Variants in CDK12 observed in about 807,000 individuals in gnomAD.
The protein encoded by CDK12 is cyclin dependent kinase 12, also known as cyclin-dependent kinase 12.
CDK12 carries 17 observed loss-of-function variants against 133.8 expected under a neutral mutation model. The ratio of observed to expected loss-of-function variants is 0.13; its 90% CI spans 0.09 to 0.19. The LOEUF (loss-of-function observed/expected upper bound fraction) is 0.19. Among genes scored for constraint, CDK12 ranks in the 10% least tolerant of loss-of-function variants. The pLI is 1.00. For missense variants in CDK12, 1,508 were observed against 1,818.7 expected (o/e 0.83, Z 3.11); for synonymous variants, 694 against 683.6 (o/e 1.02, Z -0.24).
At chr17:39,536,156 C>T (rs376344192), downstream of CDK12, among the ~76,000 whole-genome samples, 32 of 152,236 alleles carry the variant, frequency 2.1e-4, no homozygotes, top group African/African-American at 7.5e-4. Flanking sequence ...CCTTACTGTA[C>T]GCAACTGTCT....
chr17:39,531,161 T>C lies in CDK12; in HGVS notation c.4318T>C (p.Tyr1440His), dbSNP rs1598193134. 1.3e-6 allele frequency: 2 copies of C among 1,527,378 alleles called. No homozygotes were observed. Among genetic ancestry groups the C allele is most frequent in the East Asian group, 2.3e-5 (1 of 44,134 alleles). 94.6% of individuals were successfully genotyped at this position (1,527,378 alleles called of 1,614,324 possible). The stretch of plus-strand genomic sequence containing the variant: ...ACATGCAGAGACCAAATTGCAAAAC[T>C]ATGGGGAGCTGGGGCCAGGAACCAC... ...VVHAETKLQN[Y>H]GELGPGTTGA... Residue 1440 changes from tyrosine (Y) to histidine (H), a missense_variant, in exon 14 of 14, where the codon TAT becomes CAT. Tyr to His is a moderately conservative substitution (Grantham distance 83, BLOSUM62 2). This residue lies in a region of CDK12 where 114 missense variants were observed against 101.2 expected (regional missense o/e 1.13). Transcript: ENST00000447079.
rs956281122 is a variant in CDK12, at chr17:39,500,330, C to CA, written c.2420-909dup. Among the ~76,000 whole-genome samples the CA allele has an allele frequency of 1.7e-3, 243 of 141,512 alleles. 1 individual carries two copies. Among genetic ancestry groups the CA allele is most frequent in the African/African-American group, 3.5e-3 (134 of 38,598 alleles). 92.8% of individuals were successfully genotyped at this position (141,512 alleles called of 152,430 possible). A position where few individuals can be genotyped will look rare whatever the true frequency, so the allele number is the denominator to read the frequency against. On this transcript the variant is annotated intron_variant, in intron 5 of 13. Coordinates refer to ENST00000447079, the MANE Select transcript of CDK12 (RefSeq NM_016507.4). ...TGGGCAACAGAATGAGACGCTGTCT[C>CA]AAAAAAAAAAAGAAGAAAAAGGCTG...
At chr17:39,505,188 C>A (rs1292249951) in intron 6 of CDK12, among the ~76,000 whole-genome samples, 1 of 141,522 alleles carries the variant, frequency 7.1e-6, no homozygotes, top group Non-Finnish European at 1.5e-5. Context: ...GAGATCGCGC[C>A]ACTGCACTCC....
At chr17:39,565,518 T>C (rs1232432803), downstream of CDK12, among the ~76,000 whole-genome samples, 1 of 150,058 alleles carries the variant, frequency 6.7e-6, no homozygotes, top group Non-Finnish European at 1.5e-5. Context: ...ACTGCAACTT[T>C]TGCCTCCCAG....
chr17:39,466,826 G>A (rs2049361444), intron 1 of CDK12, among the ~76,000 whole-genome samples: 1 of 151,800 alleles, frequency 6.6e-6, no homozygotes, highest in Admixed American at 6.6e-5. Flanking sequence ...TTGTATGTGT[G>A]CATTACATGT....
At chr17:39,478,700 C>A (rs1212008622) in intron 2 of CDK12, among the ~76,000 whole-genome samples, 4 of 152,000 alleles carry the variant, frequency 2.6e-5, no homozygotes, top group African/African-American at 9.7e-5. Flanking sequence ...TAGCATGCAC[C>A]TGTGGTCTGA....
chr17:39,473,735 AT>A (rs2049975162), intron 2 of CDK12, among the ~76,000 whole-genome samples: 2 of 152,066 alleles, frequency 1.3e-5, no homozygotes, highest in Non-Finnish European at 2.9e-5. Flanking sequence ...AAATACAAAA[AT>A]TAGCTGGGCG....
chr17:39,502,230 G>T (rs922718148), intron 6 of CDK12, among the ~76,000 whole-genome samples: 1 of 151,914 alleles, frequency 6.6e-6, no homozygotes, highest in Non-Finnish European at 1.5e-5. Flanking sequence ...TCACCTTACT[G>T]CAAGCTCTGC....
intron 3 of CDK12, among the ~76,000 whole-genome samples, chr17:39,491,955 C>T (rs1254742028): frequency 6.8e-6 from 1 of 146,516 alleles, no homozygotes; most frequent in Non-Finnish European, 1.5e-5. Context: ...GGTGAAACCA[C>T]ATCTCTACTG....
At chr17:39,481,633 G>C (rs111671342) in intron 2 of CDK12, among the ~76,000 whole-genome samples, 1,132 of 17,572 alleles carry the variant, frequency 0.064, 88 homozygotes, top group African/African-American at 0.13. Context: ...TCGCTCGCGC[G>C]CTCTCTCTCT....
chr17:39,490,771 T>C, intron 3 of CDK12, 38 bp downstream of exon 3: 7 of 1,478,550 alleles, frequency 4.7e-6, no homozygotes, highest in Non-Finnish European at 6.5e-6. Flanking sequence ...ATGATAGTTT[T>C]CTCCCTTCCT....
chr17:39,562,889 TTCTTTTTC>T (rs1261593651), intron 3 of CDK12, among the ~76,000 whole-genome samples: 1 of 48,206 alleles, frequency 2.1e-5, no homozygotes. Context: ...TCCTTTTTTT[TTCTTTTTC>T]TTTTCTTTTT....
intron 13 of CDK12, 69 bp downstream of exon 13, chr17:39,526,385 A>AT (rs1025376228): frequency 2.9e-5 from 36 of 1,245,470 alleles, no homozygotes; most frequent in African/African-American, 4.6e-5. Context: ...ATCTCTTAAC[A>AT]TTTTTTTTCC....
chr17:39,487,414 C>G (rs1410800458), intron 2 of CDK12, among the ~76,000 whole-genome samples: 2 of 152,002 alleles, frequency 1.3e-5, no homozygotes, highest in African/African-American at 4.8e-5. Flanking sequence ...TGCAAAGCAC[C>G]AATATTTTCC....
At chr17:39,519,051 G>A (rs2053995952) in intron 10 of CDK12, among the ~76,000 whole-genome samples, 1 of 150,318 alleles carries the variant, frequency 6.7e-6, no homozygotes, top group Admixed American at 6.7e-5. Context: ...ACTGGCACGT[G>A]CCACCACACC....
At chr17:39,538,082 A>G (rs182229867), downstream of CDK12, among the ~76,000 whole-genome samples, 165 of 152,308 alleles carry the variant, frequency 1.1e-3, no homozygotes, top group Non-Finnish European at 1.9e-3. Context: ...CTATGAAGAC[A>G]TTTTCTGTAG....
At chr17:39,556,693 G>C (rs1298511041) in intron 3 of CDK12, among the ~76,000 whole-genome samples, 2 of 152,066 alleles carry the variant, frequency 1.3e-5, no homozygotes, top group African/African-American at 4.8e-5. Flanking sequence ...CACACTGATG[G>C]GAAATTTATA....
Position 39,528,390 on chromosome 17 carries a change from G to A in CDK12, c.3760+2074G>A, listed in dbSNP as rs1222656704. Among the ~76,000 whole-genome samples the A allele has an allele frequency of 5.3e-5, 8 of 152,176 alleles. No homozygotes were observed. The East Asian group carries it at 1.4e-3, about 26-fold the overall frequency. On this transcript the variant is annotated intron_variant, in intron 13 of 13. Transcript: ENST00000447079. ...GCTCTGTCACCCAGGCTGGAGTGCA[G>A]TGGCGTGATCTCAGCTCATTGCAAA...
intron 11 of CDK12, among the ~76,000 whole-genome samples, chr17:39,523,486 GA>G (rs1186830955): frequency 2.7e-5 from 4 of 149,498 alleles, no homozygotes; most frequent in Non-Finnish European, 5.9e-5. Context: ...AAAAGAAAAA[GA>G]AAAAAAAAGT....
Sources: allele counts gnomAD v4.1 joint callset (sites outside exome capture counted in the v4.1 genomes callset), GRCh38; gene constraint gnomAD v4.1.1; regional missense constraint gnomAD v4.1.1; transcripts MANE v1.5; gene names NCBI Gene and HGNC (gene_info 2026-07-23, HGNC 2026-07-21).